FAM98A: variants seen among roughly 807,000 people sequenced by gnomAD.
FAM98A encodes protein FAM98A.
In FAM98A, 25 loss-of-function variants were observed where a neutral mutation model predicts 62.9. That is an observed-to-expected ratio of 0.40 (90% confidence interval 0.29 to 0.56). The LOEUF (loss-of-function observed/expected upper bound fraction) is 0.56. Among genes scored for constraint, FAM98A ranks in the 20% least tolerant of loss-of-function variants. FAM98A has a pLI of 0.51. For missense variants in FAM98A, 653 were observed against 640.7 expected, an observed-to-expected ratio of 1.02 and a Z score of -0.21; for synonymous variants, 252 against 228.6, an observed-to-expected ratio of 1.10 and a Z score of -0.92.
chr2:33,594,798 A>C (rs1401521618), intron 2 of FAM98A, among the ~76,000 whole-genome samples: 1 of 152,008 alleles, frequency 6.6e-6, no homozygotes, highest in African/African-American at 2.4e-5. Flanking sequence ...ATAGCTCTCC[A>C]TAAGGGTGGG....
At chr2:33,598,606 C>T (rs1656667459) in intron 1 of FAM98A, among the ~76,000 whole-genome samples, 1 of 152,096 alleles carries the variant, frequency 6.6e-6, no homozygotes. Flanking sequence ...TTCCCAGGGA[C>T]GTGGTGATAG....
At chr2:33,585,807 G>A in intron 6 of FAM98A, 110 bp from the exon 7 acceptor site, 1 of 958,154 alleles carries the variant, frequency 1.0e-6, no homozygotes, top group Non-Finnish European at 1.6e-6. Context: ...ATATTTACTA[G>A]GCTCTAGATG....
intron 2 of FAM98A, among the ~76,000 whole-genome samples, chr2:33,594,608 C>CACA (rs1677754517): frequency 1.7e-5 from 2 of 117,890 alleles, no homozygotes; most frequent in South Asian, 5.4e-4. Flanking sequence ...CACATACATA[C>CACA]ACACATATAT....
chr2:33,588,714 C>A, intron 3 of FAM98A, 195 bp from the exon 4 acceptor site: 2 of 408,152 alleles, frequency 4.9e-6, no homozygotes, highest in Non-Finnish European at 8.7e-6. Flanking sequence ...GTTATTTAAG[C>A]GATATATAAT....
At position 33,594,535 on chromosome 2, in the gene FAM98A, T is replaced by TA. The variant is rs1160445620; in HGVS notation, c.202+953dup. 1.2e-3 allele frequency among the ~76,000 whole-genome samples: 42 copies of TA among 34,276 alleles called. 5 individuals are homozygous for TA. The highest frequency in any genetic ancestry group is 9.6e-3 in the East Asian group (12 of 1,252). 22.5% of individuals were successfully genotyped at this position (34,276 alleles called of 152,430 possible). A position where few individuals can be genotyped will look rare whatever the true frequency, so the allele number is the denominator to read the frequency against. On this transcript the variant is annotated intron_variant, in intron 2 of 7. Transcript: ENST00000238823. ...ACACATGTATCCCGGAACATAAAGTTAAAAAAAAAAAAAAAAAAAAAAAAA... is the reference window on the plus strand; with the variant it reads ...ACACATGTATCCCGGAACATAAAGTTAAAAAAAAAAAAAAAAAAAAAAAAAA...
rs777770801 is a variant in FAM98A, at chr2:33,599,261, C to T, written c.-40G>A. 9 of 1,568,652 alleles carry T rather than the reference C, an allele frequency of 5.7e-6. No individual in the cohort carries two copies. In the South Asian group the frequency reaches 6.7e-5, roughly 12 times the overall value. On this transcript the variant is annotated 5_prime_UTR_variant, in exon 1 of 8. Coordinates refer to ENST00000238823, the MANE Select transcript of FAM98A (RefSeq NM_015475.5). Reference sequence around the variant, plus strand: ...CAAATTTCCGAGTCGTCAGGCTCCCCTCTTCGCCGGCAACGCGTACACTCG... The same window carrying T: ...CAAATTTCCGAGTCGTCAGGCTCCCTTCTTCGCCGGCAACGCGTACACTCG...
rs71412864 is a variant in FAM98A at position 33,594,696 on chromosome 2, CAT to C, written c.202+791_202+792del. 1.5e-3 allele frequency among the ~76,000 whole-genome samples: 23 copies of C among 14,862 alleles called. 4 individuals are homozygous for C. The highest frequency in any genetic ancestry group is 0.013 in the South Asian group (9 of 692). 9.8% of individuals were successfully genotyped at this position (14,862 alleles called of 152,430 possible). A position where few individuals can be genotyped will look rare whatever the true frequency, so the allele number is the denominator to read the frequency against. On this transcript the variant is annotated intron_variant, in intron 2 of 7. Transcript: ENST00000238823. Reference sequence around the variant, plus strand: ...ATATATATACACACATATATATACACATATATATATACACACACACACACACA... The same window carrying C: ...ATATATATACACACATATATATACACATATATATACACACACACACACACA...
rs1677789536 is a variant in FAM98A at position 33,595,471 on chromosome 2, A to C, written c.202+18T>G. On this transcript the variant is annotated intron_variant, in intron 2 of 7. Transcript: ENST00000238823. ...TGTTATTTTTATACTTTGTACCTAA[A>C]AGTGAATGTTTACTTACTGTTAGTT... is the stretch of plus-strand genomic sequence containing the variant. 1 of 1,593,328 alleles carries C rather than the reference A, an allele frequency of 6.3e-7. No individual in the cohort carries two copies. Among genetic ancestry groups the C allele is most frequent in the Non-Finnish European group, 8.5e-7 (1 of 1,169,994 alleles).
In FAM98A at chr2:33,585,636, G is replaced by A. The variant is rs1403037489; in HGVS notation, c.782C>T (p.Thr261Ile). ...CAAAAGATGGGCAACAGAAATAGTA[G>A]TTTTAGGGGATAAGACTGAACGTTT... ...QPKRSVLSPKTTISVAHLLAA... is the reference protein window; with the variant it reads ...QPKRSVLSPKITISVAHLLAA... Residue 261 changes from threonine (T) to isoleucine (I), a missense_variant, in exon 7 of 8, where the codon ACT (threonine) becomes ATT (isoleucine). Transcript: ENST00000238823. 1.2e-6 allele frequency: 2 copies of A among 1,614,136 alleles called. No homozygotes were observed. The highest frequency in any genetic ancestry group is 1.3e-5 in the African/African-American group (1 of 75,046).
intron 1 of FAM98A, 23 bp from the exon 2 acceptor site, chr2:33,595,660 T>C: frequency 6.4e-7 from 1 of 1,560,154 alleles, no homozygotes; most frequent in Non-Finnish European, 8.6e-7. Flanking sequence ...AAATTACATT[T>C]CAGAAGAAAA....
Position 33,587,228 on chromosome 2 carries a change from A to AT in FAM98A, c.603+11dup, listed in dbSNP as rs767457636. 3.8e-5 allele frequency: 58 copies of AT among 1,526,372 alleles called. No individual in the cohort carries two copies. Among genetic ancestry groups the AT allele is most frequent in the Non-Finnish European group, 5.2e-5 (57 of 1,101,186 alleles). 94.6% of individuals were successfully genotyped at this position (1,526,372 alleles called of 1,614,324 possible). ...TTCTTTACAAAGTTTACTCAAGATG[A>AT]TTACTACTCACCCAGTGGGCTGGTC... is the stretch of plus-strand genomic sequence containing the variant. On this transcript the variant is annotated intron_variant, in intron 5 of 7. Transcript: ENST00000238823.
intron 5 of FAM98A, 126 bp from the exon 6 acceptor site, chr2:33,586,804 A>G: frequency 3.2e-6 from 2 of 630,672 alleles, no homozygotes; most frequent in South Asian, 3.8e-5. Flanking sequence ...AAAAGTTCTT[A>G]TTCCATATAA....
chr2:33,598,840 G>A (rs1255420495), intron 1 of FAM98A, among the ~76,000 whole-genome samples: 2 of 152,122 alleles, frequency 1.3e-5, no homozygotes, highest in African/African-American at 2.4e-5. Flanking sequence ...TAAGGGGTAG[G>A]GCAGGAGGAT....
In FAM98A at chr2:33,592,189, C is replaced by T. The variant is rs377286793; in HGVS notation, c.228G>A (p.Gln76=). 11 of 1,612,308 alleles carry T rather than the reference C, an allele frequency of 6.8e-6. No individual in the cohort carries two copies. The highest frequency in any genetic ancestry group is 9.3e-6 in the Non-Finnish European group (11 of 1,178,740). Residue 76 remains glutamine (Q), a synonymous_variant, in exon 3 of 8, where the codon CAG becomes CAA. Coordinates refer to ENST00000238823, the MANE Select transcript of FAM98A (RefSeq NM_015475.5). ...CCCCTAGTAGCCCACTCACCTCAAG[C>T]TGGAATTCTTCAGCTTCACTCGGAC... The part of the protein sequence containing the change: ...TNSPSEAEEF[Q]LEVSGLLGEM...
Position 33,594,644 on chromosome 2 carries a change from T to C in FAM98A, c.202+845A>G, listed in dbSNP as rs1395941914. Among the ~76,000 whole-genome samples, 2 of 91,736 alleles carry C rather than the reference T, an allele frequency of 2.2e-5. 1 individual carries two copies. The highest frequency in any genetic ancestry group is 1.4e-4 in the African/African-American group (2 of 14,038). The allele number at this position is 91,736 out of a possible 152,430, so 60.2% of individuals were successfully genotyped here. A position where few individuals can be genotyped will look rare whatever the true frequency, so the allele number is the denominator to read the frequency against. Reference sequence around the variant, plus strand: ...ATATACACACATATATATACACATATATATATACACACATATATATACACA... The same window carrying C: ...ATATACACACATATATATACACATACATATATACACACATATATATACACA... On this transcript the variant is annotated intron_variant, in intron 2 of 7. Transcript: ENST00000238823.
At chr2:33,596,697 C>G (rs1441906216) in intron 1 of FAM98A, among the ~76,000 whole-genome samples, 1 of 151,970 alleles carries the variant, frequency 6.6e-6, no homozygotes, top group Non-Finnish European at 1.5e-5. Flanking sequence ...CAAGACGATC[C>G]TGGCTAACAC....
Position 33,591,377 on chromosome 2 carries a change from G to C in FAM98A, c.337+703C>G, listed in dbSNP as rs7603055. Among the ~76,000 whole-genome samples, 711 of 152,284 alleles carry C rather than the reference G, an allele frequency of 4.7e-3. 8 individuals are homozygous for C. The highest frequency in any genetic ancestry group is 0.016 in the African/African-American group (655 of 41,572). On this transcript the variant is annotated intron_variant, in intron 3 of 7. Transcript: ENST00000238823. The stretch of plus-strand genomic sequence containing the variant: ...CTTCAGAATGCTACATAAATTCTGA[G>C]TTAAGACTATAGGTTGTATTTATTG...
chr2:33,599,227 T>A lies in FAM98A; in HGVS notation c.-6A>T. ...TCCATGAGGTCACACTCCATGCTAC[T>A]GTGGTATTCAAATTTCCGAGTCGTC... On this transcript the variant is annotated 5_prime_UTR_variant, in exon 1 of 8. Coordinates refer to ENST00000238823, the MANE Select transcript of FAM98A (RefSeq NM_015475.5). 6.2e-7 allele frequency: 1 copy of A among 1,613,330 alleles called. No homozygotes were observed. Among genetic ancestry groups the A allele is most frequent in the Non-Finnish European group, 8.5e-7 (1 of 1,179,216 alleles).
chr2:33,590,318 C>T (rs1677643947), intron 3 of FAM98A, among the ~76,000 whole-genome samples: 1 of 152,052 alleles, frequency 6.6e-6, no homozygotes, highest in Admixed American at 6.5e-5. Flanking sequence ...TTCTATTTTT[C>T]CAACAATTCT....
Sources: allele counts gnomAD v4.1 joint callset (sites outside exome capture counted in the v4.1 genomes callset), GRCh38; gene constraint gnomAD v4.1.1; transcripts MANE v1.5; gene names NCBI Gene and HGNC (gene_info 2026-07-23, HGNC 2026-07-21).